KIF15: variants seen among roughly 807,000 people sequenced by gnomAD.
KIF15 encodes the protein kinesin-like protein KIF15.
A neutral mutation model predicts 190.6 loss-of-function variants in KIF15; 140 were observed. The observed-to-expected ratio is 0.73, with a 90% CI of 0.64 to 0.84. The LOEUF is 0.84. Among genes scored for constraint, KIF15 ranks in the 40% least tolerant of loss-of-function variants. KIF15 has a pLI of 0.00. For synonymous variants in KIF15, 528 were observed against 551.3 expected (o/e 0.96, Z 0.59); for missense variants, 1,372 against 1,584.4 (o/e 0.87, Z 2.28).
Position 44,802,996 on chromosome 3 carries a change from G to C in KIF15, c.1687+5G>C, listed in dbSNP as rs201611054. 8 of 1,591,314 alleles carry C rather than the reference G, an allele frequency of 5.0e-6. No homozygotes were observed. Among genetic ancestry groups the C allele is most frequent in the Non-Finnish European group, 6.0e-6 (7 of 1,172,866 alleles). On this transcript the variant is annotated splice_donor_5th_base_variant and intron_variant, in intron 14 of 34. Coordinates refer to ENST00000326047, the MANE Select transcript of KIF15 (RefSeq NM_020242.3). Reference sequence around the variant, plus strand: ...GCATGGAGAAAAGTGACAAAAGTAAGAAATGATTGTTGTATATACGTGCCA... The same window carrying C: ...GCATGGAGAAAAGTGACAAAAGTAACAAATGATTGTTGTATATACGTGCCA...
Position 44,827,465 on chromosome 3 carries a change from C to T in KIF15, c.2793C>T (p.Ile931=). The part of the protein sequence containing the change: ...EEDKENSSKE[I]LKVLEAVRQE... ...GATAATTATTCTCTTCCAGAGAAAT[C>T]TTAAAAGTTCTTGAGGCTGTACGTC... The change falls in exon 23 of 35, where the codon ATC becomes ATT. Residue 931 remains isoleucine, a synonymous_variant. Coordinates refer to ENST00000326047, the MANE Select transcript of KIF15 (RefSeq NM_020242.3). 1 of 1,609,612 alleles carries T rather than the reference C, an allele frequency of 6.2e-7. No homozygotes were observed. The highest frequency in any genetic ancestry group is 8.5e-7 in the Non-Finnish European group (1 of 1,176,656).
chr3:44,833,160 G>A (rs1471106593), intron 26 of KIF15, among the ~76,000 whole-genome samples: 1 of 152,078 alleles, frequency 6.6e-6, no homozygotes, highest in African/African-American at 2.4e-5. Flanking sequence ...ATTTCTCCCT[G>A]TGCTTCATTT....
chr3:44,828,041 T>C (rs1446137701), intron 23 of KIF15, among the ~76,000 whole-genome samples, 173 bp from the exon 24 acceptor site: 1 of 152,168 alleles, frequency 6.6e-6, no homozygotes, highest in East Asian at 1.9e-4. Flanking sequence ...TTGTTGGTAG[T>C]CTCCTGGTAG....
At chr3:44,858,882 C>T (rs1352683649) in intron 6 of KIF15, among the ~76,000 whole-genome samples, 5 of 152,192 alleles carry the variant, frequency 3.3e-5, no homozygotes, top group Non-Finnish European at 7.3e-5. Flanking sequence ...AAAAGTTACC[C>T]GAAGCTCGGT....
At chr3:44,833,448 A>G (rs1698165453) in intron 26 of KIF15, among the ~76,000 whole-genome samples, 1 of 151,986 alleles carries the variant, frequency 6.6e-6, no homozygotes, top group Non-Finnish European at 1.5e-5. Flanking sequence ...AGATGGTCCT[A>G]TCCAGGGGTG....
Position 44,778,205 on chromosome 3 carries a change from T to A in KIF15, c.323+14T>A. On this transcript the variant is annotated intron_variant, in intron 4 of 34. Transcript: ENST00000326047. ...CATCTTTGCATAGTAAGTTGTTGAC[T>A]GTGTCCTTATACATAGTACATGCTT... The A allele has an allele frequency of 6.3e-7, 1 of 1,583,896 alleles. No homozygotes were observed. Among genetic ancestry groups the A allele is most frequent in the Non-Finnish European group, 8.7e-7 (1 of 1,152,384 alleles).
rs1030226256 is a variant in KIF15 at position 44,796,454 on chromosome 3, A to C, written c.850-1097A>C. On this transcript the variant is annotated intron_variant, in intron 8 of 34. Coordinates refer to ENST00000326047, the MANE Select transcript of KIF15 (RefSeq NM_020242.3). Reference sequence around the variant, plus strand: ...TTTAACCTTCCCAACAACTCTGGGAAGTAGGTGCTATTCTTTCTATTTTAC... The same window carrying C: ...TTTAACCTTCCCAACAACTCTGGGACGTAGGTGCTATTCTTTCTATTTTAC... 4.6e-5 allele frequency among the ~76,000 whole-genome samples: 7 copies of C among 152,332 alleles called. No individual in the cohort carries two copies. In the South Asian group the frequency reaches 1.5e-3, roughly 32 times the overall value.
At chr3:44,847,189 A>G (rs1026889271) in intron 30 of KIF15, among the ~76,000 whole-genome samples, 2 of 152,226 alleles carry the variant, frequency 1.3e-5, no homozygotes, top group African/African-American at 4.8e-5. Context: ...TAAGGGAAAG[A>G]AACCTCACTG....
chr3:44,773,461 C>T (rs535606913), intron 1 of KIF15, among the ~76,000 whole-genome samples: 3 of 152,288 alleles, frequency 2.0e-5, no homozygotes, highest in East Asian at 1.9e-4. Flanking sequence ...AACTGCCACT[C>T]GCCCCACTTG....
At chr3:44,863,308 C>CCG (rs1553668755) in intron 6 of KIF15, 2 of 111,316 alleles carry the variant, frequency 1.8e-5, no homozygotes, top group East Asian at 4.2e-4. Context: ...GCACCCCCCC[C>CCG]CCCCGCCGCC....
chr3:44,812,329 C>T (rs761196635), intron 18 of KIF15, 40 bp downstream of exon 18: 1 of 1,397,220 alleles, frequency 7.2e-7, no homozygotes, highest in South Asian at 1.2e-5. Context: ...GTATGAAGTA[C>T]CCTCAAATGT....
downstream of KIF15, among the ~76,000 whole-genome samples, chr3:44,855,988 T>G (rs1157319039): frequency 6.6e-6 from 1 of 152,080 alleles, no homozygotes. Context: ...CTACCTTTCC[T>G]GAAGATTGAG....
intron 8 of KIF15, among the ~76,000 whole-genome samples, chr3:44,796,975 A>G (rs1283826052): frequency 6.6e-6 from 1 of 152,004 alleles, no homozygotes; most frequent in Non-Finnish European, 1.5e-5. Flanking sequence ...AACTATTACA[A>G]TCATGAAGTG....
At chr3:44,825,293 C>T (rs1001790815) in intron 20 of KIF15, among the ~76,000 whole-genome samples, 1 of 152,288 alleles carries the variant, frequency 6.6e-6, no homozygotes, top group Middle Eastern at 3.4e-3. Flanking sequence ...CCTTCCCTAC[C>T]ATCTATTGCC....
chr3:44,806,563 A>G (rs1707509939), intron 16 of KIF15, among the ~76,000 whole-genome samples: 1 of 152,216 alleles, frequency 6.6e-6, no homozygotes, highest in Non-Finnish European at 1.5e-5. Flanking sequence ...ACACAAGGAA[A>G]ACAAAAGGTT....
chr3:44,805,805 A>G (rs778019283), intron 15 of KIF15, 40 bp from the exon 16 acceptor site: 4 of 1,565,664 alleles, frequency 2.6e-6, no homozygotes, highest in South Asian at 2.3e-5. Flanking sequence ...GTTTGACATT[A>G]CTTATTACCT....
chr3:44,792,632 T>C (rs1339813358), intron 7 of KIF15, among the ~76,000 whole-genome samples: 7 of 151,696 alleles, frequency 4.6e-5, no homozygotes, highest in Admixed American at 6.6e-5. Context: ...CTGCAACTTC[T>C]ACCTCCCGGG....
intron 6 of KIF15, chr3:44,864,080 T>G: frequency 8.0e-7 from 1 of 1,250,538 alleles, no homozygotes; most frequent in Non-Finnish European, 1.1e-6. Flanking sequence ...CTCTGAGCTG[T>G]AGTGGGAGCT....
Position 44,812,368 on chromosome 3 carries a change from T to C in KIF15, c.2277+79T>C. The C allele has an allele frequency of 4.1e-6, 4 of 982,182 alleles. No homozygotes were observed. The South Asian group carries it at 4.2e-5, about 10-fold the overall frequency. The allele number at this position is 982,182 out of a possible 1,614,324, so 60.8% of individuals were successfully genotyped here. A position where few individuals can be genotyped will look rare whatever the true frequency, so the allele number is the denominator to read the frequency against. On this transcript the variant is annotated intron_variant, in intron 18 of 34. Coordinates refer to ENST00000326047, the MANE Select transcript of KIF15 (RefSeq NM_020242.3). ...CTTGAGGAAACATCCTCAAGGATCCTCAAACATCCTTGAGTATGCATGAAA... is the reference window on the plus strand; with the variant it reads ...CTTGAGGAAACATCCTCAAGGATCCCCAAACATCCTTGAGTATGCATGAAA...
Sources: allele counts gnomAD v4.1 joint callset (sites outside exome capture counted in the v4.1 genomes callset), GRCh38; gene constraint gnomAD v4.1.1; transcripts MANE v1.5; gene names NCBI Gene and HGNC (gene_info 2026-07-23, HGNC 2026-07-21).